Variants in PDE4D observed in about 807,000 individuals in gnomAD.
PDE4D encodes the protein phosphodiesterase 4D.
In PDE4D, 24 loss-of-function variants were observed where a neutral mutation model predicts 87.4. The observed-to-expected ratio is 0.27, with a 90% CI of 0.20 to 0.39. The LOEUF is 0.39. Ranked by LOEUF, PDE4D falls within the 10% of genes least tolerant of loss-of-function variation. The probability of loss-of-function intolerance (pLI) is 1.00; values close to 1 mark genes in which losing one functional copy is unlikely to be tolerated. For synonymous variants in PDE4D, 384 were observed against 383.2 expected (o/e 1.00, Z -0.02); for missense variants, 714 against 1,041.0 (o/e 0.69, Z 4.32).
In PDE4D at chr5:59,090,469, G is replaced by A. The variant is rs73093359; in HGVS notation, c.809-51498C>T. On this transcript the variant is annotated intron_variant, in intron 5 of 14. Coordinates refer to ENST00000340635, the MANE Select transcript of PDE4D (RefSeq NM_001104631.2). ...GATTCACTTGTCTCCTCTCTATTTCGAAAAGATGCTCTGAAGATTAGTGAG... is the reference window on the plus strand; with the variant it reads ...GATTCACTTGTCTCCTCTCTATTTCAAAAAGATGCTCTGAAGATTAGTGAG... 7.6e-3 allele frequency among the ~76,000 whole-genome samples: 1,163 copies of A among 152,164 alleles called. 11 individuals are homozygous for A. The highest frequency in any genetic ancestry group is 0.027 in the African/African-American group (1,110 of 41,542).
chr5:59,978,160 C>A (rs943666396), intron 3 of PDE4D, among the ~76,000 whole-genome samples: 33 of 152,274 alleles, frequency 2.2e-4, no homozygotes, highest in African/African-American at 7.7e-4. Flanking sequence ...GTCATTTCAA[C>A]TTTTAAGCCT....
At chr5:59,233,040 A>G (rs931275154) in intron 1 of PDE4D, among the ~76,000 whole-genome samples, 1 of 152,142 alleles carries the variant, frequency 6.6e-6, no homozygotes, top group Non-Finnish European at 1.5e-5. Flanking sequence ...AGGGGAATGA[A>G]GAGAGGTTGG....
At chr5:58,996,426 G>A (rs888775997) in intron 6 of PDE4D, among the ~76,000 whole-genome samples, 23 of 152,170 alleles carry the variant, frequency 1.5e-4, no homozygotes, top group Admixed American at 1.2e-3. Flanking sequence ...AATTGTTCAT[G>A]TTATGAGCTA....
At chr5:60,299,570 C>T (rs1753714446) in intron 1 of PDE4D, among the ~76,000 whole-genome samples, 1 of 152,126 alleles carries the variant, frequency 6.6e-6, no homozygotes, top group South Asian at 2.1e-4. Context: ...CCCACCCCCA[C>T]AGGCCCCAGT....
At chr5:58,999,552 T>C in intron 6 of PDE4D, 1 of 1,260,606 alleles carries the variant, frequency 7.9e-7, no homozygotes. Flanking sequence ...ATTGATTATA[T>C]GTATATATAT....
chr5:60,095,599 G>A (rs757335664), intron 2 of PDE4D, among the ~76,000 whole-genome samples: 51 of 152,012 alleles, frequency 3.4e-4, no homozygotes, highest in Non-Finnish European at 6.0e-4. Flanking sequence ...TGGTATTTCT[G>A]GTTTGAGATC....
chr5:60,001,159 C>T lies in PDE4D; in HGVS notation c.43-12442G>A, dbSNP rs185001263. ...CTACCCATAGACATACTCAGAGAGC[C>T]AGGGGGAGTCCTCCAGAAACCCAGA... On this transcript the variant is annotated intron_variant, in intron 2 of 16. Transcript: ENST00000502484. 1.6e-3 allele frequency among the ~76,000 whole-genome samples: 238 copies of T among 152,164 alleles called. 1 individual carries two copies. Among genetic ancestry groups the T allele is most frequent in the African/African-American group, 5.6e-3 (233 of 41,518 alleles).
intron 1 of PDE4D, among the ~76,000 whole-genome samples, chr5:60,267,208 G>T (rs995922395): frequency 6.6e-6 from 1 of 152,182 alleles, no homozygotes; most frequent in Non-Finnish European, 1.5e-5. Context: ...TATAAGCAAA[G>T]AGATGAGAGA....
At chr5:60,104,286 A>G (rs1776589911) in intron 2 of PDE4D, among the ~76,000 whole-genome samples, 2 of 152,206 alleles carry the variant, frequency 1.3e-5, no homozygotes, top group African/African-American at 4.8e-5. Flanking sequence ...ATCAAACTGC[A>G]AGGTGGCAGC....
chr5:59,583,931 G>A (rs930356169), intron 1 of PDE4D, among the ~76,000 whole-genome samples: 7 of 152,170 alleles, frequency 4.6e-5, no homozygotes, highest in African/African-American at 1.2e-4. Context: ...GATGAGCTAG[G>A]GCTCGTGAAA....
Position 58,973,784 on chromosome 5 carries a change from A to ATAAT in PDE4D, c.*876_*879dup, listed in dbSNP as rs1021335909. Reference sequence around the variant, plus strand: ...AAGAGTGAAACAAAATGCAAAGTAAATAATAAAGACTTACAAAAAGGGTTT... The same window carrying ATAAT: ...AAGAGTGAAACAAAATGCAAAGTAAATAATTAATAAAGACTTACAAAAAGGGTTT... On this transcript the variant is annotated 3_prime_UTR_variant, in exon 15 of 15. Transcript: ENST00000340635. 1.4e-5 allele frequency: 2 copies of ATAAT among 146,442 alleles called. No homozygotes were observed. The highest frequency in any genetic ancestry group is 2.5e-5 in the African/African-American group (1 of 39,932). 9.1% of individuals were successfully genotyped at this position (146,442 alleles called of 1,614,324 possible).
intron 1 of PDE4D, among the ~76,000 whole-genome samples, chr5:60,327,361 T>A (rs566532701): frequency 4.5e-4 from 68 of 152,322 alleles, no homozygotes; most frequent in Admixed American, 1.7e-3. Flanking sequence ...TGACTCCTTG[T>A]CAAAGAATGT....
At chr5:60,332,128 G>A (rs1204513989) in intron 1 of PDE4D, among the ~76,000 whole-genome samples, 2 of 152,158 alleles carry the variant, frequency 1.3e-5, no homozygotes, top group East Asian at 1.9e-4. Context: ...CAACTTAGAG[G>A]TGGAAAAAGT....
chr5:59,239,151 G>T (rs886888045), intron 1 of PDE4D, among the ~76,000 whole-genome samples: 1 of 152,176 alleles, frequency 6.6e-6, no homozygotes, highest in Non-Finnish European at 1.5e-5. Context: ...ACCATATAGG[G>T]TTTAACTATT....
intron 1 of PDE4D, among the ~76,000 whole-genome samples, chr5:59,697,308 A>C (rs1194190934): frequency 6.6e-6 from 1 of 152,224 alleles, no homozygotes; most frequent in East Asian, 1.9e-4. Flanking sequence ...AAAGTTACAT[A>C]ATCAATTAAT....
intron 1 of PDE4D, among the ~76,000 whole-genome samples, chr5:60,259,079 T>C (rs563730248): frequency 5.3e-5 from 8 of 152,060 alleles, no homozygotes; most frequent in Admixed American, 5.2e-4. Flanking sequence ...CTTCAGATGC[T>C]AAATTGGAAA....
intron 5 of PDE4D, among the ~76,000 whole-genome samples, chr5:59,082,017 C>A (rs1766860199): frequency 1.3e-5 from 2 of 152,118 alleles, no homozygotes; most frequent in South Asian, 4.1e-4. Flanking sequence ...TCCTGCTGCC[C>A]TGTAAAGAGG....
chr5:60,072,194 C>T (rs1448389618), intron 2 of PDE4D, among the ~76,000 whole-genome samples: 1 of 152,118 alleles, frequency 6.6e-6, no homozygotes, highest in Non-Finnish European at 1.5e-5. Flanking sequence ...TATTTTCTGA[C>T]TTTTTAATAA....
At chr5:59,821,421 GT>G (rs1469791339) in intron 1 of PDE4D, among the ~76,000 whole-genome samples, 2 of 152,068 alleles carry the variant, frequency 1.3e-5, no homozygotes, top group Non-Finnish European at 2.9e-5. Flanking sequence ...CATTTTTAAG[GT>G]GGAGACATCC....
Sources: gnomAD v4.1 joint callset for allele counts (sites outside exome capture counted in the v4.1 genomes callset) on GRCh38, gnomAD v4.1.1 for gene constraint, MANE v1.5 for transcripts, NCBI Gene and HGNC (gene_info 2026-07-23, HGNC 2026-07-21) for gene names.